The following PER2 variants were observed in gnomAD, a reference collection of about 807,000 sequenced individuals.
PER2 encodes period circadian regulator 2.
A neutral mutation model predicts 121.0 loss-of-function variants in PER2; 66 were observed. The observed-to-expected ratio is 0.55, with a 90% CI of 0.45 to 0.67. The LOEUF (loss-of-function observed/expected upper bound fraction) is 0.67, where lower values mean the gene tolerates loss of function less well. Ranked by LOEUF, PER2 falls within the 30% of genes least tolerant of loss-of-function variation. The pLI is 0.00. For missense variants in PER2, 1,521 were observed against 1,635.0 expected, an observed-to-expected ratio of 0.93 and a Z score of 1.20; for synonymous variants, 684 against 659.9, an observed-to-expected ratio of 1.04 and a Z score of -0.56.
upstream of PER2, chr2:238,288,630 G>C (rs1183968269): frequency 9.3e-5 from 14 of 150,476 alleles, no homozygotes; most frequent in Admixed American, 9.3e-4. Flanking sequence ...GCGGGGCCGC[G>C]CCGCGCCACT....
intron 1 of PER2, 135 bp from the exon 2 acceptor site, chr2:238,278,090 C>G (rs1696513841): frequency 1.1e-6 from 1 of 948,466 alleles, no homozygotes; most frequent in Middle Eastern, 3.2e-4. Context: ...CTCTCTGTCT[C>G]TCTCTCTCTC....
At position 238,246,392 on chromosome 2, in the gene PER2, T is replaced by C. The variant is rs1695449801; in HGVS notation, c.3751A>G (p.Ile1251Val). The C allele has an allele frequency of 1.2e-6, 2 of 1,611,112 alleles. No individual in the cohort carries two copies. Among genetic ancestry groups the C allele is most frequent in the Non-Finnish European group, 8.5e-7 (1 of 1,178,288 alleles). ...GGCAGGGGTTACGTCTGCTCTTCGA[T>C]CCTGTGATTCAAGGGGGATCCATTT... ...DENGSPLNHR[I>V]EEQT The change falls in exon 23 of 23, where the codon ATC (isoleucine) becomes GTC (valine). Residue 1251 changes from isoleucine (I) to valine (V), a missense_variant. Physicochemically the swap from Ile to Val is conservative, Grantham distance 29. Transcript: ENST00000254657.
chr2:238,272,333 C>A (rs996774749), intron 5 of PER2, among the ~76,000 whole-genome samples: 1 of 152,226 alleles, frequency 6.6e-6, no homozygotes, highest in African/African-American at 2.4e-5. Context: ...CCTGCCCTAA[C>A]AACCTCCACC....
intron 9 of PER2, among the ~76,000 whole-genome samples, chr2:238,264,093 G>A (rs996054850): frequency 2.6e-5 from 4 of 152,174 alleles, no homozygotes; most frequent in African/African-American, 9.7e-5. Flanking sequence ...CCACACACAA[G>A]GCTTCATCAA....
the PER2 span, chr2:238,298,684 T>C: frequency 6.6e-6 from 1 of 152,264 alleles, no homozygotes; most frequent in Non-Finnish European, 1.5e-5. Flanking sequence ...CTGGTGACCG[T>C]TCATCACACA....
In PER2 at chr2:238,264,471, G is replaced by A. The variant is rs561395400; in HGVS notation, c.1046+1041C>T. On this transcript the variant is annotated intron_variant, in intron 9 of 22. Transcript: ENST00000254657. ...CAAGGATGGGGGCCTGTGTCCCTGG[G>A]CCAAGAGTAGAGGAGGGAGAGGTCT... Among the ~76,000 whole-genome samples, 10 of 152,298 alleles carry A rather than the reference G, an allele frequency of 6.6e-5. No homozygotes were observed. In the South Asian group the frequency reaches 2.1e-3, roughly 32 times the overall value.
intron 17 of PER2, 112 bp from the exon 18 acceptor site, chr2:238,256,023 T>A: frequency 7.6e-7 from 1 of 1,321,254 alleles, no homozygotes; most frequent in Non-Finnish European, 1.1e-6. Context: ...AATTTCATGA[T>A]GCCTGTGGCA....
In PER2 at chr2:238,252,062, A is replaced by C. The variant is rs931946291; in HGVS notation, c.3112-301T>G. 1.3e-5 allele frequency among the ~76,000 whole-genome samples: 2 copies of C among 152,200 alleles called. No individual in the cohort carries two copies. The highest frequency in any genetic ancestry group is 2.9e-5 in the Non-Finnish European group (2 of 68,036). On this transcript the variant is annotated intron_variant, in intron 19 of 22. Coordinates refer to ENST00000254657, the MANE Select transcript of PER2 (RefSeq NM_022817.3). This position sits in a 1 kb window ranked among gnomAD's most constrained non-coding sequence, Gnocchi z 4.2. ...AAGCCTCAGGCTGCTCCTTGGCCAC[A>C]GCCCCCTCCTCACATGCAGCAGACA...
chr2:238,255,248 C>T, intron 18 of PER2: 1 of 308,268 alleles, frequency 3.2e-6, no homozygotes, highest in Non-Finnish European at 6.2e-6. Context: ...GGGAGAAGGG[C>T]ACCAGAAATG....
Position 238,273,101 on chromosome 2 carries a change from C to T in PER2, c.539G>A (p.Ser180Asn), listed in dbSNP as rs934564952. ...VPSYTVEEMESVTSEHIVKNA... is the reference protein window; with the variant it reads ...VPSYTVEEMENVTSEHIVKNA... The stretch of plus-strand genomic sequence containing the variant: ...CTTCACAATGTGCTCAGAGGTAACG[C>T]TCTCCATCTCCTCCACGGTGTAGGA... Residue 180 changes from serine to asparagine, a missense_variant, in exon 5 of 23, where the codon AGC (serine) becomes AAC (asparagine). By Grantham distance (46) the Ser-to-Asn change is conservative. Transcript: ENST00000254657. The T allele has an allele frequency of 1.9e-6, 3 of 1,613,930 alleles. No homozygotes were observed. Among genetic ancestry groups the T allele is most frequent in the Non-Finnish European group, 2.5e-6 (3 of 1,179,902 alleles).
chr2:238,287,141 C>G (rs1052089294), intron 1 of PER2, among the ~76,000 whole-genome samples: 1 of 152,210 alleles, frequency 6.6e-6, no homozygotes, highest in Admixed American at 6.5e-5. Context: ...ACCTGGCACT[C>G]CAGTCTCCAC....
chr2:238,284,157 A>ACGG (rs773822384), intron 1 of PER2, among the ~76,000 whole-genome samples: 4 of 152,116 alleles, frequency 2.6e-5, no homozygotes, highest in Non-Finnish European at 4.4e-5. Context: ...AGAAAAACAG[A>ACGG]CGGCGGCTGG....
chr2:238,252,462 G>A lies in PER2; in HGVS notation c.3111+450C>T, dbSNP rs1268799082. 2.0e-5 allele frequency among the ~76,000 whole-genome samples: 3 copies of A among 152,328 alleles called. No individual in the cohort carries two copies. The highest frequency in any genetic ancestry group is 3.4e-3 in the Middle Eastern group (1 of 294). On this transcript the variant is annotated intron_variant, in intron 19 of 22. Transcript: ENST00000254657. The surrounding 1 kb of genome is among the most constrained non-coding windows in gnomAD (Gnocchi z 4.2). ...TCTCACACAGTGTCCCTACGCCTGC[G>A]GAGGATGGAAACTGAGGTCACGCTG...
chr2:238,269,842 T>C (rs1696231709), intron 6 of PER2, among the ~76,000 whole-genome samples: 1 of 152,252 alleles, frequency 6.6e-6, no homozygotes, highest in South Asian at 2.1e-4. Context: ...TCCATGCTGA[T>C]TTTTGATTAA....
At chr2:238,276,367 A>G (rs1430864816) in intron 3 of PER2, among the ~76,000 whole-genome samples, 2 of 152,252 alleles carry the variant, frequency 1.3e-5, no homozygotes, top group Non-Finnish European at 2.9e-5. Flanking sequence ...GCTCTAACCC[A>G]ACTGAATGCT....
chr2:238,247,850 G>C lies in PER2; in HGVS notation c.3618+1212C>G, dbSNP rs190933497. Among the ~76,000 whole-genome samples the C allele has an allele frequency of 1.1e-4, 16 of 152,366 alleles. No individual in the cohort carries two copies. The East Asian group carries it at 2.5e-3, about 24-fold the overall frequency. On this transcript the variant is annotated intron_variant, in intron 22 of 22. Transcript: ENST00000254657. ...CATTTATTCTGATTGAGGTGGCACA[G>C]TGCTGGCAGGAATCTGAACTGTCAC... is the stretch of plus-strand genomic sequence containing the variant.
chr2:238,269,622 C>T (rs1430819683), intron 6 of PER2, among the ~76,000 whole-genome samples: 3 of 151,298 alleles, frequency 2.0e-5, no homozygotes, highest in African/African-American at 4.9e-5. Context: ...AACACACTCA[C>T]GGTGCACTGC....
At chr2:238,256,813 C>T (rs1695775318) in intron 17 of PER2, 109 bp downstream of exon 17, 2 of 1,143,910 alleles carry the variant, frequency 1.7e-6, no homozygotes, top group Middle Eastern at 2.0e-4. Context: ...CGCCCCCTAT[C>T]GGGCTATGGT....
chr2:238,297,512 C>A, the PER2 span, among the ~76,000 whole-genome samples: 1 of 152,312 alleles, frequency 6.6e-6, no homozygotes, highest in Admixed American at 6.5e-5. Context: ...TAGGGTCCAC[C>A]CTGTGAGGTT....
Sources: allele counts gnomAD v4.1 joint callset (sites outside exome capture counted in the v4.1 genomes callset), GRCh38; gene constraint gnomAD v4.1.1; non-coding constraint Gnocchi (gnomAD v3.1); transcripts MANE v1.5; gene names NCBI Gene and HGNC (gene_info 2026-07-23, HGNC 2026-07-21).